Variants in PDZRN3 observed in about 807,000 individuals in gnomAD.
PDZRN3 encodes the protein E3 ubiquitin-protein ligase PDZRN3.
A neutral mutation model predicts 85.7 loss-of-function variants in PDZRN3; 38 were observed. That is an observed-to-expected ratio of 0.44 (90% CI 0.34 to 0.58). PDZRN3 has a LOEUF of 0.58. Among genes scored for constraint, PDZRN3 ranks in the 20% least tolerant of loss-of-function variants. The pLI is 0.01. For missense variants in PDZRN3, 1,629 were observed against 1,506.4 expected, an observed-to-expected ratio of 1.08 and a Z score of -1.35; for synonymous variants, 759 against 638.0, an observed-to-expected ratio of 1.19 and a Z score of -2.86.
intron 3 of PDZRN3, among the ~76,000 whole-genome samples, chr3:73,509,958 T>A (rs899694445): frequency 6.6e-6 from 1 of 152,190 alleles, no homozygotes; most frequent in Non-Finnish European, 1.5e-5. Context: ...AAACAACGGA[T>A]TATCTTTAAA....
In PDZRN3 at chr3:73,415,803, C is replaced by T. The variant is rs551335506; in HGVS notation, c.919-11408G>A. Among the ~76,000 whole-genome samples the T allele has an allele frequency of 9.9e-5, 15 of 152,132 alleles. No individual in the cohort carries two copies. The South Asian group carries it at 2.5e-3, about 25-fold the overall frequency. ...AAATGGGTTTAAGATGTAACTCCATCGTAAGTTAAGGAACACCTGTACATA... is the reference window on the plus strand; with the variant it reads ...AAATGGGTTTAAGATGTAACTCCATTGTAAGTTAAGGAACACCTGTACATA... On this transcript the variant is annotated intron_variant, in intron 3 of 9. Coordinates refer to ENST00000263666, the MANE Select transcript of PDZRN3 (RefSeq NM_015009.3).
At position 73,548,430 on chromosome 3, in the gene PDZRN3, G is replaced by A. The variant is rs192862809; in HGVS notation, c.918+53924C>T. Among the ~76,000 whole-genome samples, 125 of 152,328 alleles carry A rather than the reference G, an allele frequency of 8.2e-4. 1 individual carries two copies. The highest frequency in any genetic ancestry group is 2.9e-3 in the African/African-American group (121 of 41,586). On this transcript the variant is annotated intron_variant, in intron 3 of 9. Coordinates refer to ENST00000263666, the MANE Select transcript of PDZRN3 (RefSeq NM_015009.3). ...CTGAGAGGTGAACACTCTGTATGCT[G>A]AAGCAAAGGAGGGATCCTACTTTAG...
chr3:73,488,840 C>T (rs1375067200), intron 3 of PDZRN3, among the ~76,000 whole-genome samples: 1 of 152,196 alleles, frequency 6.6e-6, no homozygotes, highest in Non-Finnish European at 1.5e-5. Flanking sequence ...GCACTGGGGA[C>T]CTGGAGGCTT....
chr3:73,547,093 C>A (rs1024194221), intron 3 of PDZRN3, among the ~76,000 whole-genome samples: 1 of 152,148 alleles, frequency 6.6e-6, no homozygotes, highest in African/African-American at 2.4e-5. Flanking sequence ...ACCCCACTCA[C>A]GACAACAGCC....
intron 3 of PDZRN3, among the ~76,000 whole-genome samples, chr3:73,406,901 A>T (rs1701865985): frequency 1.3e-5 from 2 of 152,196 alleles, no homozygotes; most frequent in Non-Finnish European, 2.9e-5. Context: ...AGAGACACAT[A>T]ATTCTTACAA....
At chr3:73,412,100 T>C (rs184472660) in intron 3 of PDZRN3, among the ~76,000 whole-genome samples, 27 of 152,328 alleles carry the variant, frequency 1.8e-4, no homozygotes, top group Admixed American at 3.9e-4. Flanking sequence ...GATGACATGC[T>C]TCTTTTTTAC....
At chr3:73,472,151 G>A (rs930420237) in intron 3 of PDZRN3, among the ~76,000 whole-genome samples, 1 of 152,230 alleles carries the variant, frequency 6.6e-6, no homozygotes, top group African/African-American at 2.4e-5. Flanking sequence ...TCTCTTTGGT[G>A]AGCGAGGCCA....
At chr3:73,620,188 T>C (rs1054410492) in intron 1 of PDZRN3, among the ~76,000 whole-genome samples, 3 of 152,082 alleles carry the variant, frequency 2.0e-5, no homozygotes, top group Non-Finnish European at 4.4e-5. Context: ...CGGTGGTCAT[T>C]TGAGTGAGCT....
chr3:73,614,339 T>C (rs1160350554), intron 1 of PDZRN3, among the ~76,000 whole-genome samples: 1 of 152,182 alleles, frequency 6.6e-6, no homozygotes, highest in South Asian at 2.1e-4. Flanking sequence ...ACCATTCTCC[T>C]CCAAACCATC....
chr3:73,583,999 T>C (rs916182895), intron 3 of PDZRN3, among the ~76,000 whole-genome samples: 1 of 152,196 alleles, frequency 6.6e-6, no homozygotes, highest in African/African-American at 2.4e-5. Context: ...TCTAACTTTG[T>C]CTCCTAGGTG....
At chr3:73,620,413 G>A (rs1387576789) in intron 1 of PDZRN3, among the ~76,000 whole-genome samples, 2 of 152,152 alleles carry the variant, frequency 1.3e-5, no homozygotes, top group African/African-American at 4.8e-5. Flanking sequence ...AAGAATCAGG[G>A]GGTAAGTCAG....
At chr3:73,603,012 A>G (rs1379735330) in intron 2 of PDZRN3, among the ~76,000 whole-genome samples, 1 of 152,226 alleles carries the variant, frequency 6.6e-6, no homozygotes, top group African/African-American at 2.4e-5. Flanking sequence ...TATCTTTGCT[A>G]TTATAGTTCT....
intron 3 of PDZRN3, among the ~76,000 whole-genome samples, chr3:73,446,691 C>T (rs1368743052): frequency 2.6e-5 from 4 of 152,102 alleles, no homozygotes; most frequent in South Asian, 4.1e-4. Flanking sequence ...TGAGGAAGAA[C>T]GTGGATGGAA....
chr3:73,563,798 C>T (rs6802500), intron 3 of PDZRN3, among the ~76,000 whole-genome samples: 53,614 of 152,074 alleles, frequency 0.35, 9,643 homozygotes, highest in Admixed American at 0.39. Flanking sequence ...GTATAATTAT[C>T]ATTCTAATTT....
chr3:73,425,000 T>C (rs1390814305), intron 3 of PDZRN3, among the ~76,000 whole-genome samples: 1 of 149,578 alleles, frequency 6.7e-6, no homozygotes, highest in Non-Finnish European at 1.5e-5. Flanking sequence ...CTTTCACTCA[T>C]CCACTCATCC....
At chr3:73,422,793 G>A (rs143531118) in intron 3 of PDZRN3, among the ~76,000 whole-genome samples, 2 of 152,262 alleles carry the variant, frequency 1.3e-5, no homozygotes, top group East Asian at 3.9e-4. Flanking sequence ...ATTTAACTGG[G>A]GAGGGAGAGA....
At chr3:73,524,886 T>C (rs1379201235) in intron 3 of PDZRN3, among the ~76,000 whole-genome samples, 1 of 151,760 alleles carries the variant, frequency 6.6e-6, no homozygotes, top group Non-Finnish European at 1.5e-5. Flanking sequence ...TTCATATATA[T>C]ACGATCTTTC....
intron 3 of PDZRN3, among the ~76,000 whole-genome samples, chr3:73,485,108 G>A (rs1234887078): frequency 6.6e-6 from 1 of 152,090 alleles, no homozygotes; most frequent in East Asian, 1.9e-4. Flanking sequence ...GAAGATACCT[G>A]TCTCAAGACT....
At chr3:73,495,535 C>T (rs1703850714) in intron 3 of PDZRN3, among the ~76,000 whole-genome samples, 1 of 152,120 alleles carries the variant, frequency 6.6e-6, no homozygotes, top group African/African-American at 2.4e-5. Context: ...TATCCGTGCG[C>T]ATATATTTGT....
Sources: gnomAD v4.1 joint callset for allele counts (sites outside exome capture counted in the v4.1 genomes callset) on GRCh38, gnomAD v4.1.1 for gene constraint, MANE v1.5 for transcripts, NCBI Gene and HGNC (gene_info 2026-07-23, HGNC 2026-07-21) for gene names.